The following BCL7C variants were observed in gnomAD, a reference collection of about 807,000 sequenced individuals.
BCL7C encodes the protein B-cell CLL/lymphoma 7 protein family member C.
A neutral mutation model predicts 26.2 loss-of-function variants in BCL7C; 8 were observed. The ratio of observed to expected loss-of-function variants is 0.30; its 90% CI spans 0.18 to 0.55. The LOEUF (loss-of-function observed/expected upper bound fraction) is 0.55. Ranked by LOEUF, BCL7C falls within the 20% of genes least tolerant of loss-of-function variation. The pLI, the probability that BCL7C is intolerant of heterozygous loss-of-function variation, is 0.93. For missense variants in BCL7C, 262 were observed against 298.5 expected (o/e 0.88, Z 0.90); for synonymous variants, 90 against 116.5 (o/e 0.77, Z 1.47).
intron 5 of BCL7C, among the ~76,000 whole-genome samples, chr16:30,878,818 G>A (rs1449525647): frequency 6.6e-6 from 1 of 151,936 alleles, no homozygotes; most frequent in Admixed American, 6.6e-5. Flanking sequence ...ACTCCAGCCT[G>A]GGTGACAAAG....
intron 5 of BCL7C, among the ~76,000 whole-genome samples, chr16:30,863,060 C>T (rs2054792156): frequency 6.6e-6 from 1 of 152,042 alleles, no homozygotes; most frequent in South Asian, 2.1e-4. Context: ...GGCTGGCCCC[C>T]CCACATTATT....
At chr16:30,838,479 A>T (rs1468482913) in intron 5 of BCL7C, among the ~76,000 whole-genome samples, 4 of 152,148 alleles carry the variant, frequency 2.6e-5, no homozygotes, top group Admixed American at 2.0e-4. Context: ...ATATTTGCTT[A>T]TGAGTATAAA....
At chr16:30,856,214 G>C (rs959181677) in intron 5 of BCL7C, among the ~76,000 whole-genome samples, 5 of 151,686 alleles carry the variant, frequency 3.3e-5, no homozygotes, top group African/African-American at 9.7e-5. Flanking sequence ...GGCTGAGGCG[G>C]GCGGATCACG....
rs1200317667 is a variant in BCL7C, at chr16:30,882,119, C to T, written c.528+6741G>A. Among the ~76,000 whole-genome samples, 4 of 152,156 alleles carry T rather than the reference C, an allele frequency of 2.6e-5. No homozygotes were observed. The South Asian group carries it at 6.2e-4, about 24-fold the overall frequency. ...GGGATTATAGGCACCCACTACCAGGCCTGGCTAATTCTATTGTATTTTTAG... is the reference window on the plus strand; with the variant it reads ...GGGATTATAGGCACCCACTACCAGGTCTGGCTAATTCTATTGTATTTTTAG... On this transcript the variant is annotated intron_variant, in intron 5 of 5. Transcript: ENST00000380317.
Position 30,834,773 on chromosome 16 carries a change from G to A in BCL7C, c.*175C>T, listed in dbSNP as rs562095086. On this transcript the variant is annotated 3_prime_UTR_variant, in exon 6 of 6. Transcript: ENST00000380317. This position sits in a 1 kb window ranked among gnomAD's most constrained non-coding sequence, Gnocchi z 4.3. ...TCCCATGCATTCGGGCGCCAGTGGC[G>A]AGCCAGATGGGTGCTGTGGCCTTAG... 12 of 599,952 alleles carry A rather than the reference G, an allele frequency of 2.0e-5. No homozygotes were observed. The East Asian group carries it at 2.2e-4, about 11-fold the overall frequency. 37.2% of individuals were successfully genotyped at this position (599,952 alleles called of 1,614,324 possible).
In BCL7C at chr16:30,841,500, G is replaced by A. The variant is rs554251254; in HGVS notation, c.529-6352C>T. Reference sequence around the variant, plus strand: ...CTGAGGGCCATCACTCCCTGGCTCCGGGCTCCTTGAAGTTATCTACTGGGA... The same window carrying A: ...CTGAGGGCCATCACTCCCTGGCTCCAGGCTCCTTGAAGTTATCTACTGGGA... On this transcript the variant is annotated intron_variant, in intron 5 of 5. Transcript: ENST00000380317. 4.6e-5 allele frequency among the ~76,000 whole-genome samples: 7 copies of A among 152,274 alleles called. No homozygotes were observed. The South Asian group carries it at 8.3e-4, about 18-fold the overall frequency.
At chr16:30,835,120 G>T (rs1331825668) in exon 6 of BCL7C, 5 of 1,527,734 alleles carry the variant, frequency 3.3e-6, no homozygotes, top group Non-Finnish European at 4.4e-6. Flanking sequence ...CTCGTGAAGG[G>T]CTCTCCTCGT....
intron 5 of BCL7C, among the ~76,000 whole-genome samples, chr16:30,847,323 G>A (rs74950340): frequency 1.3e-5 from 2 of 152,178 alleles, no homozygotes; most frequent in African/African-American, 4.8e-5. Context: ...GAACTCCTAT[G>A]TCATTCAGAG....
At chr16:30,868,704 G>C (rs1164326696) in intron 5 of BCL7C, among the ~76,000 whole-genome samples, 1 of 151,772 alleles carries the variant, frequency 6.6e-6, no homozygotes, top group African/African-American at 2.4e-5. Flanking sequence ...AGAATCTCTT[G>C]ATCCTGGGAG....
At chr16:30,859,811 T>C (rs1172757122) in intron 5 of BCL7C, among the ~76,000 whole-genome samples, 1 of 152,150 alleles carries the variant, frequency 6.6e-6, no homozygotes, top group African/African-American at 2.4e-5. Flanking sequence ...TGCACCCAGG[T>C]GAAATAAACA....
Position 30,892,722 on chromosome 16 carries a change from A to G in BCL7C, c.306T>C (p.His102=). 1 of 1,614,112 alleles carries G rather than the reference A, an allele frequency of 6.2e-7. No individual in the cohort carries two copies. Among genetic ancestry groups the G allele is most frequent in the Non-Finnish European group, 8.5e-7 (1 of 1,179,996 alleles). ...TGCCCTTTTGCAGGGAACCTTCCGA[A>G]TGGAAACTCTGGTTGCTGTTCTCAT... The part of the protein sequence containing the change: ...LNDENSNQSF[H]SEGSLQKGTE... The change falls in exon 4 of 6, where the codon CAT becomes CAC. Residue 102 remains histidine, a synonymous_variant. Coordinates refer to ENST00000215115, the MANE Select transcript of BCL7C (RefSeq NM_004765.4).
chr16:30,865,028 C>T (rs1263848744), intron 5 of BCL7C, among the ~76,000 whole-genome samples: 5 of 151,772 alleles, frequency 3.3e-5, no homozygotes. Flanking sequence ...GTTAGCCAGG[C>T]GTGGTGGCAG....
downstream of BCL7C, chr16:30,887,659 C>T: frequency 3.9e-6 from 3 of 771,602 alleles, no homozygotes; most frequent in Admixed American, 3.5e-5. Flanking sequence ...AAGCCCCCAC[C>T]CCACTCTGCC....
At chr16:30,880,454 C>T (rs1250383588) in intron 5 of BCL7C, among the ~76,000 whole-genome samples, 2 of 151,138 alleles carry the variant, frequency 1.3e-5, no homozygotes, top group Non-Finnish European at 2.9e-5. Flanking sequence ...AATCCCAGCA[C>T]TTTGGGAGGC....
rs1174759514 is a variant in BCL7C at position 30,888,786 on chromosome 16, G to C, written c.528+74C>G. On this transcript the variant is annotated intron_variant, in intron 5 of 5. Coordinates refer to ENST00000215115, the MANE Select transcript of BCL7C (RefSeq NM_004765.4). ...TCTCCTCCAGGCCCTCAGGACGCAG[G>C]CTCCAAGCCTTCGACTGCCCAGATC... The C allele has an allele frequency of 2.1e-6, 3 of 1,423,226 alleles. No homozygotes were observed. In the African/African-American group the frequency reaches 4.2e-5, roughly 20 times the overall value. 88.2% of individuals were successfully genotyped at this position (1,423,226 alleles called of 1,614,324 possible). A position where few individuals can be genotyped will look rare whatever the true frequency, so the allele number is the denominator to read the frequency against.
chr16:30,893,379 G>A lies in BCL7C; in HGVS notation c.93-89C>T, dbSNP rs2055289171. On this transcript the variant is annotated intron_variant, in intron 1 of 5. Transcript: ENST00000215115. The surrounding 1 kb of genome is among the most constrained non-coding windows in gnomAD (Gnocchi z 5.2). ...GACACATCTGGGGGTACCTGCAGAG[G>A]TTGAGGAGGCACAGGAGGATAGCAA... 4.0e-6 allele frequency: 4 copies of A among 1,006,590 alleles called. No individual in the cohort carries two copies. Among genetic ancestry groups the A allele is most frequent in the Middle Eastern group, 2.9e-4 (1 of 3,502 alleles). The allele number at this position is 1,006,590 out of a possible 1,614,324, so 62.4% of individuals were successfully genotyped here.
At chr16:30,842,202 G>GT (rs1357451779) in intron 5 of BCL7C, among the ~76,000 whole-genome samples, 37 of 152,246 alleles carry the variant, frequency 2.4e-4, no homozygotes, top group African/African-American at 7.5e-4. Context: ...TATACAAAGT[G>GT]AAGACCATGT....
chr16:30,846,934 ATTC>A (rs1567308759), intron 5 of BCL7C, among the ~76,000 whole-genome samples: 2 of 152,236 alleles, frequency 1.3e-5, no homozygotes, highest in African/African-American at 4.8e-5. Context: ...AATGGCTGCT[ATTC>A]TTGACTACAG....
intron 5 of BCL7C, 118 bp from the exon 6 acceptor site, chr16:30,888,108 A>T: frequency 5.2e-6 from 5 of 967,160 alleles, no homozygotes; most frequent in African/African-American, 1.8e-5. Flanking sequence ...AGGCAAGCCC[A>T]GGGCCAGATG....
Sources: allele counts gnomAD v4.1 joint callset (sites outside exome capture counted in the v4.1 genomes callset), GRCh38; gene constraint gnomAD v4.1.1; non-coding constraint Gnocchi (gnomAD v3.1); transcripts MANE v1.5; gene names NCBI Gene and HGNC (gene_info 2026-07-23, HGNC 2026-07-21).